NELL1: variants seen among roughly 807,000 people sequenced by gnomAD.
NELL1 encodes the protein neural EGFL like 1.
NELL1 carries 76 observed loss-of-function variants against 107.4 expected under a neutral mutation model. The observed-to-expected ratio is 0.71, with a 90% confidence interval of 0.59 to 0.86. The LOEUF (loss-of-function observed/expected upper bound fraction) is 0.86. Among genes scored for constraint, NELL1 ranks in the 40% least tolerant of loss-of-function variants. NELL1 has a pLI of 0.00. For synonymous variants in NELL1, 353 were observed against 341.2 expected (o/e 1.03, Z -0.38); for missense variants, 1,024 against 1,005.5 (o/e 1.02, Z -0.25).
At chr11:21,196,662 C>G (rs988167662) in intron 13 of NELL1, among the ~76,000 whole-genome samples, 5 of 152,226 alleles carry the variant, frequency 3.3e-5, no homozygotes, top group African/African-American at 1.2e-4. Flanking sequence ...TTACTGATCA[C>G]TACCCTTAAT....
At chr11:20,947,504 T>A in intron 11 of NELL1, 69 bp downstream of exon 11, 2 of 1,085,980 alleles carry the variant, frequency 1.8e-6, no homozygotes, top group Non-Finnish European at 2.9e-6. Context: ...CATGAGATTT[T>A]AATGAATAGT....
chr11:21,232,329 CA>C (rs35426602), intron 14 of NELL1, among the ~76,000 whole-genome samples: 25,970 of 121,254 alleles, frequency 0.21, 2,424 homozygotes, highest in Non-Finnish European at 0.23. Context: ...CACTCCATCT[CA>C]AAAAAAAAAA....
At chr11:21,284,547 G>A (rs773679368) in intron 14 of NELL1, 10 of 458,454 alleles carry the variant, frequency 2.2e-5, no homozygotes, top group Middle Eastern at 6.5e-4. Flanking sequence ...CATGATTGTG[G>A]AGAATGCCAC....
intron 15 of NELL1, among the ~76,000 whole-genome samples, chr11:21,489,639 A>G (rs1481869806): frequency 6.6e-6 from 1 of 152,082 alleles, no homozygotes; most frequent in East Asian, 1.9e-4. Flanking sequence ...AGGATGATTC[A>G]ACATATGCAA....
At chr11:21,298,337 GT>G (rs924088318) in intron 14 of NELL1, among the ~76,000 whole-genome samples, 2 of 151,872 alleles carry the variant, frequency 1.3e-5, no homozygotes, top group African/African-American at 4.8e-5. Flanking sequence ...CTGAGCTCAT[GT>G]TTTATCAATT....
intron 13 of NELL1, among the ~76,000 whole-genome samples, chr11:21,149,674 A>C (rs2133784447): frequency 6.6e-6 from 1 of 152,258 alleles, no homozygotes; most frequent in South Asian, 2.1e-4. Context: ...TTGTTTTTTC[A>C]TGTAGTCAAA....
chr11:21,475,953 A>G (rs889069531), intron 15 of NELL1, among the ~76,000 whole-genome samples: 3 of 152,108 alleles, frequency 2.0e-5, no homozygotes, highest in African/African-American at 4.8e-5. Context: ...TAGTACTTCT[A>G]TTACTCAAGT....
intron 4 of NELL1, among the ~76,000 whole-genome samples, chr11:20,874,976 C>T (rs1188574422): frequency 6.6e-6 from 1 of 152,198 alleles, no homozygotes; most frequent in African/African-American, 2.4e-5. Context: ...ACAATGCCCT[C>T]ACAATCTTTT....
chr11:21,440,334 G>A (rs1425052569), intron 15 of NELL1, among the ~76,000 whole-genome samples: 2 of 151,792 alleles, frequency 1.3e-5, no homozygotes, highest in Non-Finnish European at 2.9e-5. Flanking sequence ...TAGGGTCAGA[G>A]CAAATAACTC....
rs978953349 is a variant in NELL1 at position 21,391,804 on chromosome 11, T to G, written c.1645+20856T>G. On this transcript the variant is annotated intron_variant, in intron 15 of 19. Coordinates refer to ENST00000357134, the MANE Select transcript of NELL1 (RefSeq NM_006157.5). ...CAGGTGCATGCATTTTTCCCTTATC[T>G]TCACCTTTTCTTAAACATTCAGTAG... 1.7e-4 allele frequency among the ~76,000 whole-genome samples: 26 copies of G among 151,736 alleles called. 1 individual carries two copies. Among genetic ancestry groups the G allele is most frequent in the African/African-American group, 6.3e-4 (26 of 41,384 alleles).
intron 15 of NELL1, among the ~76,000 whole-genome samples, chr11:21,390,387 T>G (rs996541764): frequency 6.9e-6 from 1 of 144,236 alleles, no homozygotes; most frequent in Non-Finnish European, 1.5e-5. Context: ...ATAATAATAA[T>G]AAATAATATA....
intron 13 of NELL1, among the ~76,000 whole-genome samples, chr11:21,227,175 T>C (rs1194466315): frequency 6.6e-6 from 1 of 152,206 alleles, no homozygotes; most frequent in Admixed American, 6.5e-5. Context: ...AGGACTTTTC[T>C]CTTCTCTCCA....
chr11:20,809,291 C>T (rs996008134), intron 3 of NELL1, among the ~76,000 whole-genome samples: 4 of 151,980 alleles, frequency 2.6e-5, no homozygotes, highest in African/African-American at 7.3e-5. Context: ...TGTGATGTTT[C>T]GATATATGTA....
chr11:21,281,791 C>A (rs1052160246), intron 14 of NELL1, among the ~76,000 whole-genome samples: 1 of 152,290 alleles, frequency 6.6e-6, no homozygotes, highest in East Asian at 1.9e-4. Context: ...TCATCTAAGA[C>A]CATTAAGGTG....
chr11:20,974,767 T>C (rs1355004291), intron 12 of NELL1, among the ~76,000 whole-genome samples: 2 of 152,162 alleles, frequency 1.3e-5, no homozygotes, highest in Non-Finnish European at 2.9e-5. Context: ...ACTGAAGGCT[T>C]CAGTATCTCT....
At chr11:20,988,193 C>T (rs1851890385) in intron 12 of NELL1, among the ~76,000 whole-genome samples, 1 of 152,054 alleles carries the variant, frequency 6.6e-6, no homozygotes, top group Non-Finnish European at 1.5e-5. Context: ...TATTTTATCA[C>T]ATAGGGATGG....
At chr11:20,894,985 C>CTTCTATCTTA (rs1849693953) in intron 5 of NELL1, among the ~76,000 whole-genome samples, 1 of 150,798 alleles carries the variant, frequency 6.6e-6, no homozygotes, top group African/African-American at 2.5e-5. Context: ...GAAATTATTC[C>CTTCTATCTTA]CTCTGGCCGG....
chr11:21,417,010 C>T lies in NELL1; in HGVS notation c.1645+46062C>T, dbSNP rs541234966. On this transcript the variant is annotated intron_variant, in intron 15 of 19. Coordinates refer to ENST00000357134, the MANE Select transcript of NELL1 (RefSeq NM_006157.5). ...GGAGTACAAAATTAAATAATTTGCC[C>T]GAAGTCCACAACTGGTGTCAGTGGG... 4.6e-5 allele frequency among the ~76,000 whole-genome samples: 7 copies of T among 151,934 alleles called. No individual in the cohort carries two copies. In the East Asian group the frequency reaches 1.2e-3, roughly 25 times the overall value.
chr11:20,984,039 C>CT (rs995193772), intron 12 of NELL1, among the ~76,000 whole-genome samples: 18 of 152,136 alleles, frequency 1.2e-4, no homozygotes, highest in Admixed American at 7.9e-4. Flanking sequence ...TATCGTCTAT[C>CT]TTTTTTTTCA....
Sources: gnomAD v4.1 joint callset for allele counts (sites outside exome capture counted in the v4.1 genomes callset) on GRCh38, gnomAD v4.1.1 for gene constraint, MANE v1.5 for transcripts, NCBI Gene and HGNC (gene_info 2026-07-23, HGNC 2026-07-21) for gene names.